Variants in CNNM2 observed in about 807,000 individuals in gnomAD.
The protein encoded by CNNM2 is cyclin and CBS domain divalent metal cation transport mediator 2.
In CNNM2, 12 loss-of-function variants were observed where a neutral mutation model predicts 66.9. The ratio of observed to expected loss-of-function variants is 0.18; its 90% CI spans 0.11 to 0.29. CNNM2 has a LOEUF of 0.29. Ranked by LOEUF, CNNM2 falls within the 10% of genes least tolerant of loss-of-function variation. CNNM2 has a pLI of 1.00. For missense variants in CNNM2, 705 were observed against 1,167.7 expected (o/e 0.60, Z 5.77); for synonymous variants, 557 against 501.8 (o/e 1.11, Z -1.47).
intron 1 of CNNM2, among the ~76,000 whole-genome samples, chr10:102,970,157 G>T (rs977865229): frequency 5.9e-5 from 9 of 152,134 alleles, no homozygotes; most frequent in African/African-American, 1.7e-4. Flanking sequence ...GAAAGTAAAA[G>T]AATACTATTT....
intron 1 of CNNM2, among the ~76,000 whole-genome samples, chr10:103,022,797 T>C (rs559344939): frequency 6.6e-6 from 1 of 152,256 alleles, no homozygotes; most frequent in East Asian, 1.9e-4. Flanking sequence ...TGGCATCTGC[T>C]CCTGGTGAGG....
At chr10:102,986,899 T>C (rs2063807909) in intron 1 of CNNM2, among the ~76,000 whole-genome samples, 2 of 151,650 alleles carry the variant, frequency 1.3e-5, no homozygotes, top group Admixed American at 1.3e-4. Context: ...GACATATGGG[T>C]AGGGTGGGCT....
intron 1 of CNNM2, among the ~76,000 whole-genome samples, chr10:102,939,063 C>T (rs1846339216): frequency 1.3e-5 from 2 of 152,128 alleles, no homozygotes; most frequent in Non-Finnish European, 2.9e-5. Flanking sequence ...CTGTGACCTC[C>T]CAAAGCCACT....
At position 102,922,286 on chromosome 10, in the gene CNNM2, A is replaced by T. The variant is rs1193826968; in HGVS notation, c.1621+2185A>T. 2.6e-5 allele frequency among the ~76,000 whole-genome samples: 4 copies of T among 152,180 alleles called. No homozygotes were observed. In the East Asian group the frequency reaches 7.7e-4, roughly 29 times the overall value. ...AGGACAGAATGGATATTTGTTACTT[A>T]AACTATGGGAATAATTGATTTTTTC... On this transcript the variant is annotated intron_variant, in intron 1 of 7. Transcript: ENST00000369878.
intron 4 of CNNM2, among the ~76,000 whole-genome samples, chr10:103,059,939 C>T (rs958976755): frequency 7.2e-5 from 11 of 152,092 alleles, no homozygotes; most frequent in African/African-American, 2.4e-4. Flanking sequence ...AGAAGTTTAT[C>T]AGCCTGGGCT....
Position 103,080,863 on chromosome 10 carries a change from G to A in CNNM2, c.*3683G>A, listed in dbSNP as rs568611244. On this transcript the variant is annotated 3_prime_UTR_variant, in exon 8 of 8. Transcript: ENST00000369878. Reference sequence around the variant, plus strand: ...TTCTGCCCTCAAATTCTCTCTTTGGGTTGAGGAGCAGACCTGTATAGGCCC... The same window carrying A: ...TTCTGCCCTCAAATTCTCTCTTTGGATTGAGGAGCAGACCTGTATAGGCCC... 6.6e-6 allele frequency: 1 copy of A among 152,210 alleles called. No individual in the cohort carries two copies. The highest frequency in any genetic ancestry group is 6.5e-5 in the Admixed American group (1 of 15,284). The allele number at this position is 152,210 out of a possible 1,614,324, so 9.4% of individuals were successfully genotyped here.
chr10:103,061,077 T>C (rs1032586967), intron 4 of CNNM2, among the ~76,000 whole-genome samples: 6 of 151,934 alleles, frequency 3.9e-5, no homozygotes, highest in African/African-American at 1.5e-4. Flanking sequence ...AGCAGCAAAC[T>C]AAAAAAGAAC....
intron 1 of CNNM2, among the ~76,000 whole-genome samples, chr10:103,037,051 C>T (rs868098978): frequency 7.2e-5 from 11 of 152,144 alleles, no homozygotes; most frequent in Admixed American, 2.0e-4. Flanking sequence ...GAGCAAAATC[C>T]ACAGGATCTT....
intron 1 of CNNM2, among the ~76,000 whole-genome samples, chr10:102,973,151 T>C (rs1366567911): frequency 1.3e-5 from 2 of 152,056 alleles, no homozygotes; most frequent in Non-Finnish European, 2.9e-5. Flanking sequence ...TTTTTTTCCA[T>C]ACTGGCCTTC....
chr10:103,071,692 T>C lies in CNNM2; in HGVS notation c.2168-82T>C, dbSNP rs1590504844. 2.1e-5 allele frequency: 22 copies of C among 1,036,348 alleles called. No individual in the cohort carries two copies. In the East Asian group the frequency reaches 5.2e-4, roughly 24 times the overall value. 64.2% of individuals were successfully genotyped at this position (1,036,348 alleles called of 1,614,324 possible). The stretch of plus-strand genomic sequence containing the variant: ...GCTCATATTGTATTGATAGAACAAG[T>C]ATCCCCTCCTGTCCCTTGATTACAG... On this transcript the variant is annotated intron_variant, in intron 5 of 7. Transcript: ENST00000369878.
intron 1 of CNNM2, among the ~76,000 whole-genome samples, chr10:103,034,013 A>ATT (rs998732852): frequency 6.8e-6 from 1 of 147,240 alleles, no homozygotes; most frequent in African/African-American, 2.5e-5. Flanking sequence ...TCACCCTTTC[A>ATT]TTTTTTTTTT....
At position 103,086,819 on chromosome 10, in the gene CNNM2, T is replaced by A. The variant is rs1039654265; in HGVS notation, c.*9639T>A. ...CTTAGGTCTAAATAGAACCCTAAAC[T>A]TTCTTGGCTGTGACCAACTTTTCTG... On this transcript the variant is annotated 3_prime_UTR_variant, in exon 8 of 8. Transcript: ENST00000369878. The A allele has an allele frequency of 1.3e-4, 20 of 152,242 alleles. No homozygotes were observed. The highest frequency in any genetic ancestry group is 4.3e-4 in the African/African-American group (18 of 41,452). 9.4% of individuals were successfully genotyped at this position (152,242 alleles called of 1,614,324 possible).
chr10:103,048,814 T>C (rs1343859640), intron 1 of CNNM2, among the ~76,000 whole-genome samples: 1 of 152,164 alleles, frequency 6.6e-6, no homozygotes, highest in African/African-American at 2.4e-5. Context: ...CCAAAAGACA[T>C]GTACTCAGGT....
chr10:102,988,955 A>AT lies in CNNM2; in HGVS notation c.1622-60750dup, dbSNP rs2063846915. On this transcript the variant is annotated intron_variant, in intron 1 of 7. Coordinates refer to ENST00000369878, the MANE Select transcript of CNNM2 (RefSeq NM_017649.5). ...TTTTGACTTCTGAAAACTTAAGCAG[A>AT]TTAGAAGCCTTGAGTATAGGATTTA... 5.3e-5 allele frequency among the ~76,000 whole-genome samples: 8 copies of AT among 152,320 alleles called. No individual in the cohort carries two copies. In the South Asian group the frequency reaches 1.7e-3, roughly 32 times the overall value.
chr10:102,941,472 G>A (rs1052900486), intron 1 of CNNM2, among the ~76,000 whole-genome samples: 2 of 152,132 alleles, frequency 1.3e-5, no homozygotes, highest in African/African-American at 2.4e-5. Flanking sequence ...CAACTGGCAA[G>A]GTCCCATGGG....
rs189550661 is a variant in CNNM2 at position 103,071,836 on chromosome 10, C to T, written c.2230C>T (p.Pro744Ser). The change falls in exon 6 of 8, where the codon CCA (proline) becomes TCA (serine). Residue 744 changes from proline to serine, a missense_variant. Transcript: ENST00000369878. ...SRTELLAAGS[P>S]GENKSPPRPC... ...AACAGAGTTGTTAGCAGCAGGTTCT[C>T]CAGGTAATTCTGCATGCTTCCTTTC... 3 of 1,613,606 alleles carry T rather than the reference C, an allele frequency of 1.9e-6. No individual in the cohort carries two copies. The highest frequency in any genetic ancestry group is 2.5e-6 in the Non-Finnish European group (3 of 1,179,536).
In CNNM2 at chr10:102,999,655, C is replaced by G. The variant is rs187439561; in HGVS notation, c.1622-50052C>G. ...TCAAAATCCAGGCTGCCCTTCCCCC[C>G]CCACCTCTCCGCACCAGAGGTTGGC... On this transcript the variant is annotated intron_variant, in intron 1 of 7. Coordinates refer to ENST00000369878, the MANE Select transcript of CNNM2 (RefSeq NM_017649.5). Among the ~76,000 whole-genome samples, 166 of 152,210 alleles carry G rather than the reference C, an allele frequency of 1.1e-3. 1 individual carries two copies. In the South Asian group the frequency reaches 0.022, roughly 20 times the overall value.
intron 5 of CNNM2, among the ~76,000 whole-genome samples, chr10:103,069,680 A>C (rs545110606): frequency 7.2e-5 from 11 of 152,320 alleles, no homozygotes; most frequent in African/African-American, 2.6e-4. Context: ...ACACAGATAG[A>C]TACCTGGTGG....
rs537024115 is a variant in CNNM2, at chr10:103,082,134, T to G, written c.*4954T>G. On this transcript the variant is annotated 3_prime_UTR_variant, in exon 8 of 8. Coordinates refer to ENST00000369878, the MANE Select transcript of CNNM2 (RefSeq NM_017649.5). ...ACACATACTGTAAGAAAGACTTGAGTACACAAGGTTTTCAGGTTTTAATGC... is the reference window on the plus strand; with the variant it reads ...ACACATACTGTAAGAAAGACTTGAGGACACAAGGTTTTCAGGTTTTAATGC... The G allele has an allele frequency of 3.3e-5, 5 of 152,352 alleles. 1 individual carries two copies. Among genetic ancestry groups the G allele is most frequent in the African/African-American group, 1.2e-4 (5 of 41,578 alleles). 9.4% of individuals were successfully genotyped at this position (152,352 alleles called of 1,614,324 possible).
Sources: gnomAD v4.1 joint callset for allele counts (sites outside exome capture counted in the v4.1 genomes callset) on GRCh38, gnomAD v4.1.1 for gene constraint, MANE v1.5 for transcripts, NCBI Gene and HGNC (gene_info 2026-07-23, HGNC 2026-07-21) for gene names.